The following SLC7A5 variants were observed in gnomAD, a reference collection of about 807,000 sequenced individuals.
SLC7A5 encodes large neutral amino acids transporter small subunit 1.
A neutral mutation model predicts 50.2 loss-of-function variants in SLC7A5; 23 were observed. The observed-to-expected ratio is 0.46, with a 90% CI of 0.33 to 0.65. The LOEUF is 0.65. Ranked by LOEUF, SLC7A5 falls within the 30% of genes least tolerant of loss-of-function variation. The pLI, the probability that SLC7A5 is intolerant of heterozygous loss-of-function variation, is 0.02. For missense variants in SLC7A5, 578 were observed against 684.4 expected (o/e 0.84, Z 1.73); for synonymous variants, 393 against 330.6 (o/e 1.19, Z -2.05).
In SLC7A5 at chr16:87,833,084, C is replaced by T. The variant is rs33942271; in HGVS notation, c.1469-59G>A. On this transcript the variant is annotated intron_variant, in intron 9 of 9. Coordinates refer to ENST00000261622, the MANE Select transcript of SLC7A5 (RefSeq NM_003486.7). The surrounding 1 kb of genome is among the most constrained non-coding windows in gnomAD (Gnocchi z 6.0). ...GGGCTGGGTAGGCACCCGTGGGACA[C>T]GGGGGCGTGAGCTGGGGCTCCCCCA... The T allele has an allele frequency of 1.7e-3, 2,431 of 1,467,972 alleles. 24 individuals are homozygous for T. The African/African-American group carries it at 0.028, about 17-fold the overall frequency. 90.9% of individuals were successfully genotyped at this position (1,467,972 alleles called of 1,614,324 possible).
intron 1 of SLC7A5, among the ~76,000 whole-genome samples, chr16:87,866,372 C>T (rs1243637570): frequency 1.3e-5 from 2 of 152,232 alleles, no homozygotes; most frequent in African/African-American, 4.8e-5. Flanking sequence ...GTCACCCAGG[C>T]AGGAGCTCAG....
At chr16:87,834,370 C>A (rs1462964574) in intron 9 of SLC7A5, 44 bp downstream of exon 9, 1 of 1,546,128 alleles carries the variant, frequency 6.5e-7, no homozygotes, top group South Asian at 1.2e-5. Flanking sequence ...CTTCGCTGCC[C>A]AGGGCAGAGG....
Position 87,836,639 on chromosome 16 carries a change from C to T in SLC7A5, c.1149G>A (p.Met383Ile). The change falls in exon 8 of 10, where the codon ATG becomes ATA. Residue 383 changes from methionine (M) to isoleucine (I), a missense_variant. Around this residue, in one of 2 missense-constraint regions of SLC7A5, gnomAD observed 465 missense variants for 594.6 expected, o/e 0.78. Transcript: ENST00000261622. ...PVPSLVFTCVMTLLYAFSKDI... is the reference protein window; with the variant it reads ...PVPSLVFTCVITLLYAFSKDI... ...CCTTGGAGAAGGCGTAGAGCAGCGT[C>T]ATCACACACTGGAAGAGAGAGGCGG... The T allele has an allele frequency of 6.2e-7, 1 of 1,612,632 alleles. No individual in the cohort carries two copies. The highest frequency in any genetic ancestry group is 8.5e-7 in the Non-Finnish European group (1 of 1,180,010).
chr16:87,865,100 G>A (rs1041591755), intron 1 of SLC7A5, among the ~76,000 whole-genome samples: 1 of 152,084 alleles, frequency 6.6e-6, no homozygotes, highest in African/African-American at 2.4e-5. Flanking sequence ...TGCCTGTTCA[G>A]AGAACACAGC....
intron 7 of SLC7A5, 187 bp from the exon 8 acceptor site, chr16:87,836,834 G>C (rs2055010847): frequency 3.3e-6 from 2 of 598,884 alleles, no homozygotes. Context: ...GAAGGAGGGA[G>C]GAGAGGAGGA....
intron 2 of SLC7A5, among the ~76,000 whole-genome samples, chr16:87,843,027 G>A (rs1483098745): frequency 1.3e-5 from 2 of 152,160 alleles, no homozygotes; most frequent in Non-Finnish European, 2.9e-5. Flanking sequence ...CTGCCAGGCT[G>A]CTTGAGAATC....
intron 2 of SLC7A5, among the ~76,000 whole-genome samples, chr16:87,846,168 C>T (rs989520873): frequency 6.6e-6 from 1 of 152,202 alleles, no homozygotes; most frequent in Non-Finnish European, 1.5e-5. Context: ...GAGCCACACT[C>T]GAGCCTGGCA....
At chr16:87,854,211 A>G (rs1205223388) in intron 1 of SLC7A5, among the ~76,000 whole-genome samples, 1 of 152,066 alleles carries the variant, frequency 6.6e-6, no homozygotes, top group Non-Finnish European at 1.5e-5. Flanking sequence ...AAATAACCAC[A>G]GGACAGACAG....
Position 87,861,393 on chromosome 16 carries a change from C to T in SLC7A5, c.538+7492G>A, listed in dbSNP as rs1248208054. ...TGACACCTCCCCAGACCCCTGGCAC[C>T]CACCAGACTCCCCAGGCGTGGCTTT... On this transcript the variant is annotated intron_variant, in intron 1 of 9. Transcript: ENST00000261622. This position sits in a 1 kb window ranked among gnomAD's most constrained non-coding sequence, Gnocchi z 4.2. 6.6e-6 allele frequency among the ~76,000 whole-genome samples: 1 copy of T among 152,164 alleles called. No homozygotes were observed. Among genetic ancestry groups the T allele is most frequent in the Non-Finnish European group, 1.5e-5 (1 of 68,010 alleles).
chr16:87,843,494 C>T (rs28582913), intron 2 of SLC7A5, among the ~76,000 whole-genome samples: 52,830 of 150,778 alleles, frequency 0.35, 10,566 homozygotes, highest in South Asian at 0.57. Context: ...GCCTGGAGGG[C>T]TGCAGGAGGG....
intron 8 of SLC7A5, 73 bp from the exon 9 acceptor site, chr16:87,834,664 A>G: frequency 6.6e-7 from 1 of 1,506,400 alleles, no homozygotes; most frequent in Non-Finnish European, 9.0e-7. Flanking sequence ...GAGGTTCCTC[A>G]GCCCTCCTGG....
At position 87,834,434 on chromosome 16, in the gene SLC7A5, T is replaced by G. The variant is rs1367469876; in HGVS notation, c.1448A>C (p.Lys483Thr). Residue 483 changes from lysine (K) to threonine (T), a missense_variant, in exon 9 of 10, where the codon AAG becomes ACG. This residue lies in a region of SLC7A5 where 465 missense variants were observed against 594.6 expected (regional missense o/e 0.78). Coordinates refer to ENST00000261622, the MANE Select transcript of SLC7A5 (RefSeq NM_003486.7). ...CTCACAGATGCCCTGGAGGAGCCAC[T>G]TGGGCTTGTTTTTCCACCAGACCCC... ...FFGVWWKNKP[K>T]WLLQGIFSTT... The G allele has an allele frequency of 1.3e-6, 2 of 1,556,356 alleles. No individual in the cohort carries two copies. Among genetic ancestry groups the G allele is most frequent in the Non-Finnish European group, 1.7e-6 (2 of 1,149,602 alleles).
At position 87,861,171 on chromosome 16, in the gene SLC7A5, G is replaced by T. The variant is rs560293144; in HGVS notation, c.538+7714C>A. On this transcript the variant is annotated intron_variant, in intron 1 of 9. Transcript: ENST00000261622. The surrounding 1 kb of genome is among the most constrained non-coding windows in gnomAD (Gnocchi z 4.2). ...GGCCTGCCCATGGCCAGCTATCCAGGTGATGCTCCAGGGAGGGCCAGGCCT... is the reference window on the plus strand; with the variant it reads ...GGCCTGCCCATGGCCAGCTATCCAGTTGATGCTCCAGGGAGGGCCAGGCCT... Among the ~76,000 whole-genome samples, 1 of 152,220 alleles carries T rather than the reference G, an allele frequency of 6.6e-6. No individual in the cohort carries two copies.
At chr16:87,868,808 C>G in intron 1 of SLC7A5, 77 bp downstream of exon 1, 1 of 1,407,414 alleles carries the variant, frequency 7.1e-7, no homozygotes, top group Non-Finnish European at 9.8e-7. Flanking sequence ...ATGTGGGAGC[C>G]AGGGGCGTAG....
rs1202291222 is a variant in SLC7A5 at position 87,852,014 on chromosome 16, C to T, written c.539-165G>A. Among the ~76,000 whole-genome samples, 1 of 152,058 alleles carries T rather than the reference C, an allele frequency of 6.6e-6. No individual in the cohort carries two copies. The highest frequency in any genetic ancestry group is 2.4e-5 in the African/African-American group (1 of 41,412). ...TGCCAGCCCTTAGGGCACGTTCTGA[C>T]TTTCTGAGACCTGTTTTGATAAACT... On this transcript the variant is annotated intron_variant, in intron 1 of 9. Coordinates refer to ENST00000261622, the MANE Select transcript of SLC7A5 (RefSeq NM_003486.7). This position sits in a 1 kb window ranked among gnomAD's most constrained non-coding sequence, Gnocchi z 4.5.
chr16:87,868,042 G>T (rs1328027155), intron 1 of SLC7A5, among the ~76,000 whole-genome samples: 1 of 151,514 alleles, frequency 6.6e-6, no homozygotes, highest in African/African-American at 2.4e-5. Context: ...GCATGAACCT[G>T]GGAGGCGGGC....
chr16:87,834,487 G>A lies in SLC7A5; in HGVS notation c.1395C>T (p.Ile465=), dbSNP rs1464868753. ...AGAAGTAGACGGGCAGCCCGCTGAGGATGATGGTGAAGCCGATGCCACACT... is the reference window on the plus strand; with the variant it reads ...AGAAGTAGACGGGCAGCCCGCTGAGAATGATGGTGAAGCCGATGCCACACT... The part of the protein sequence containing the change: ...PVECGIGFTI[I]LSGLPVYFFG... The change falls in exon 9 of 10, where the codon ATC becomes ATT. Residue 465 remains isoleucine, a synonymous_variant. Transcript: ENST00000261622. The A allele has an allele frequency of 1.3e-6, 2 of 1,581,706 alleles. No homozygotes were observed. Among genetic ancestry groups the A allele is most frequent in the Non-Finnish European group, 8.6e-7 (1 of 1,164,850 alleles).
intron 6 of SLC7A5, 37 bp downstream of exon 6, chr16:87,838,677 G>A (rs1221397822): frequency 5.4e-6 from 8 of 1,489,258 alleles, no homozygotes; most frequent in Non-Finnish European, 7.5e-6. Context: ...ATGAGGCCTG[G>A]GCCTCCCTCA....
chr16:87,862,802 T>C lies in SLC7A5; in HGVS notation c.538+6083A>G, dbSNP rs1014116329. Among the ~76,000 whole-genome samples the C allele has an allele frequency of 6.6e-6, 1 of 152,214 alleles. No individual in the cohort carries two copies. The highest frequency in any genetic ancestry group is 1.5e-5 in the Non-Finnish European group (1 of 68,036). ...CCAGGTGGATTTCTCAAAGCCTTGG[T>C]TGCTTTTGGCCTGATGCTAGCTGGA... On this transcript the variant is annotated intron_variant, in intron 1 of 9. Transcript: ENST00000261622. The surrounding 1 kb of genome is among the most constrained non-coding windows in gnomAD (Gnocchi z 5.3).
Sources: allele counts gnomAD v4.1 joint callset (sites outside exome capture counted in the v4.1 genomes callset), GRCh38; gene constraint gnomAD v4.1.1; regional missense constraint gnomAD v4.1.1; non-coding constraint Gnocchi (gnomAD v3.1); transcripts MANE v1.5; gene names NCBI Gene and HGNC (gene_info 2026-07-23, HGNC 2026-07-21).